Variants in AGBL4 observed in about 807,000 individuals in gnomAD.
The protein encoded by AGBL4 is AGBL carboxypeptidase 4, also known as cytosolic carboxypeptidase 6.
In AGBL4, 58 loss-of-function variants were observed where a neutral mutation model predicts 66.4. The ratio of observed to expected loss-of-function variants is 0.87; its 90% confidence interval spans 0.71 to 1.09. The LOEUF (loss-of-function observed/expected upper bound fraction) is 1.09, where lower values mean the gene tolerates loss of function less well. AGBL4 is among the 50% of genes least tolerant of loss of function. The pLI, the probability that AGBL4 is intolerant of heterozygous loss-of-function variation, is 0.00. For missense variants in AGBL4, 579 were observed against 631.0 expected (o/e 0.92, Z 0.88); for synonymous variants, 234 against 222.9 (o/e 1.05, Z -0.44).
intron 3 of AGBL4, among the ~76,000 whole-genome samples, chr1:49,307,156 T>A (rs144326597): frequency 6.6e-6 from 1 of 152,144 alleles, no homozygotes; most frequent in Non-Finnish European, 1.5e-5. Context: ...TATCCTTTTT[T>A]GTAAAATGGA....
At chr1:48,984,024 G>A (rs966419590) in intron 5 of AGBL4, among the ~76,000 whole-genome samples, 1 of 152,134 alleles carries the variant, frequency 6.6e-6, no homozygotes, top group Non-Finnish European at 1.5e-5. Context: ...CATGCCAGGA[G>A]AGAAGCAGAT....
chr1:50,000,284 G>A (rs557936817), intron 1 of AGBL4, among the ~76,000 whole-genome samples: 2 of 152,270 alleles, frequency 1.3e-5, no homozygotes, highest in South Asian at 2.1e-4. Context: ...ATTATCAAAA[G>A]AAGATATACA....
intron 4 of AGBL4, among the ~76,000 whole-genome samples, chr1:49,108,526 C>G (rs1051725230): frequency 6.6e-6 from 1 of 152,106 alleles, no homozygotes; most frequent in African/African-American, 2.4e-5. Flanking sequence ...AGTCTCCAAG[C>G]CATCATAGAA....
At chr1:48,885,238 T>G (rs1439752815) in intron 5 of AGBL4, among the ~76,000 whole-genome samples, 1 of 152,250 alleles carries the variant, frequency 6.6e-6, no homozygotes, top group Non-Finnish European at 1.5e-5. Flanking sequence ...TATGTGAAAT[T>G]CCAACTGCAA....
intron 6 of AGBL4, among the ~76,000 whole-genome samples, chr1:48,698,043 C>A (rs767879029): frequency 2.6e-4 from 40 of 152,222 alleles, no homozygotes; most frequent in Non-Finnish European, 5.4e-4. Flanking sequence ...TGGGCCATGG[C>A]TGGACTGAGC....
chr1:48,740,115 A>G (rs924813926), intron 6 of AGBL4, among the ~76,000 whole-genome samples: 1 of 152,228 alleles, frequency 6.6e-6, no homozygotes, highest in Non-Finnish European at 1.5e-5. Flanking sequence ...GGAGATGAAA[A>G]TATTTTCTGA....
chr1:48,699,225 G>A (rs1162906667), intron 6 of AGBL4, among the ~76,000 whole-genome samples: 3 of 152,294 alleles, frequency 2.0e-5, no homozygotes, highest in Middle Eastern at 3.4e-3. Flanking sequence ...TGGCTAGGTT[G>A]CTTAATGCTC....
intron 6 of AGBL4, among the ~76,000 whole-genome samples, chr1:48,702,511 C>T (rs1448741900): frequency 1.3e-5 from 2 of 152,038 alleles, no homozygotes; most frequent in East Asian, 1.9e-4. Flanking sequence ...ATGCTGGTCT[C>T]GAACTCCTGA....
chr1:49,207,575 T>TTTCTTTCTTTC (rs1443250641), intron 4 of AGBL4, among the ~76,000 whole-genome samples: 4 of 144,852 alleles, frequency 2.8e-5, no homozygotes, highest in Admixed American at 1.4e-4. Context: ...TCTTTCTTTC[T>TTTCTTTCTTTC]TTCTTTCTTT....
chr1:49,942,981 C>T (rs776863529), intron 1 of AGBL4, among the ~76,000 whole-genome samples: 2 of 152,158 alleles, frequency 1.3e-5, no homozygotes, highest in East Asian at 3.9e-4. Flanking sequence ...TAGAAATAAC[C>T]ATTTTCAAAA....
chr1:48,822,119 G>C (rs1349306528), intron 6 of AGBL4, among the ~76,000 whole-genome samples: 1 of 152,102 alleles, frequency 6.6e-6, no homozygotes, highest in South Asian at 2.1e-4. Flanking sequence ...GTTATAAAAT[G>C]ATACAAACAC....
chr1:49,543,384 T>G (rs1381236141), intron 3 of AGBL4, among the ~76,000 whole-genome samples: 1 of 152,048 alleles, frequency 6.6e-6, no homozygotes, highest in Non-Finnish European at 1.5e-5. Flanking sequence ...TCCTTTCACT[T>G]TGTTGTAGGT....
In AGBL4 at chr1:48,708,375, T is replaced by C. The variant is rs183521236; in HGVS notation, c.635-45134A>G. ...CTGAAGAGGGATTGACCATTGTGAATGAGAGGAGCCGTTGGGGCTTGATGA... is the reference window on the plus strand; with the variant it reads ...CTGAAGAGGGATTGACCATTGTGAACGAGAGGAGCCGTTGGGGCTTGATGA... On this transcript the variant is annotated intron_variant, in intron 6 of 13. Coordinates refer to ENST00000371839, the MANE Select transcript of AGBL4 (RefSeq NM_032785.4). Among the ~76,000 whole-genome samples, 709 of 152,144 alleles carry C rather than the reference T, an allele frequency of 4.7e-3. 7 individuals carry two copies. The highest frequency in any genetic ancestry group is 0.016 in the African/African-American group (665 of 41,508).
At chr1:49,119,441 T>C (rs1645605282) in intron 4 of AGBL4, among the ~76,000 whole-genome samples, 1 of 152,204 alleles carries the variant, frequency 6.6e-6, no homozygotes, top group Admixed American at 6.5e-5. Context: ...ATTTCTGCCT[T>C]CATTTTGTTA....
intron 6 of AGBL4, among the ~76,000 whole-genome samples, chr1:48,841,396 CAA>C (rs34310253): frequency 2.8e-4 from 27 of 95,824 alleles, no homozygotes; most frequent in Admixed American, 8.5e-4. Flanking sequence ...TCTCTTACTA[CAA>C]AACCCCCCCC....
At chr1:48,747,513 C>T (rs1650960305) in intron 6 of AGBL4, among the ~76,000 whole-genome samples, 1 of 152,178 alleles carries the variant, frequency 6.6e-6, no homozygotes, top group African/African-American at 2.4e-5. Context: ...TGGGGAAGTT[C>T]AGATTTAACA....
In AGBL4 at chr1:49,492,326, A is replaced by G. The variant is rs551720596; in HGVS notation, c.282+204987T>C. ...GTGAATATGCTGGAAAAATGGGCTG[A>G]TTGATGTTCTGGGCAGGACAGATGA... On this transcript the variant is annotated intron_variant, in intron 3 of 13. Transcript: ENST00000371839. Among the ~76,000 whole-genome samples, 16 of 152,008 alleles carry G rather than the reference A, an allele frequency of 1.1e-4. No homozygotes were observed. In the South Asian group the frequency reaches 3.3e-3, roughly 32 times the overall value.
intron 1 of AGBL4, among the ~76,000 whole-genome samples, chr1:49,869,248 A>T (rs747025193): frequency 8.5e-5 from 13 of 152,226 alleles, no homozygotes; most frequent in Non-Finnish European, 8.8e-5. Context: ...TACTGGGTAT[A>T]TACCCAAAGG....
intron 3 of AGBL4, among the ~76,000 whole-genome samples, chr1:49,422,911 T>C (rs1645575621): frequency 6.6e-6 from 1 of 152,188 alleles, no homozygotes; most frequent in Non-Finnish European, 1.5e-5. Flanking sequence ...TAAACTCAAA[T>C]TCCTTTTAAT....
Sources: allele counts gnomAD v4.1 joint callset (sites outside exome capture counted in the v4.1 genomes callset), GRCh38; gene constraint gnomAD v4.1.1; transcripts MANE v1.5; gene names NCBI Gene and HGNC (gene_info 2026-07-23, HGNC 2026-07-21).